UBE3D: variants seen among roughly 807,000 people sequenced by gnomAD.
The protein encoded by UBE3D is E3 ubiquitin-protein ligase E3D.
Under a neutral mutation model 49.6 loss-of-function variants are expected in UBE3D, and 48 were observed. That is an observed-to-expected ratio of 0.97 (90% CI 0.77 to 1.23). UBE3D has a LOEUF of 1.23. Ranked by LOEUF, UBE3D falls within the 50% of genes most tolerant of loss-of-function variation. The pLI, the probability that UBE3D is intolerant of heterozygous loss-of-function variation, is 0.00. For missense variants in UBE3D, 452 were observed against 468.4 expected, an observed-to-expected ratio of 0.96 and a Z score of 0.32; for synonymous variants, 189 against 174.2, an observed-to-expected ratio of 1.08 and a Z score of -0.67.
chr6:83,006,239 C>CA (rs879748731), intron 8 of UBE3D, among the ~76,000 whole-genome samples: 328 of 149,918 alleles, frequency 2.2e-3, no homozygotes, highest in Non-Finnish European at 3.9e-3. Flanking sequence ...AACAAACAAA[C>CA]AAAAAAAAAA....
chr6:82,984,790 AT>A (rs1166924393), intron 8 of UBE3D, among the ~76,000 whole-genome samples: 1 of 151,858 alleles, frequency 6.6e-6, no homozygotes, highest in Non-Finnish European at 1.5e-5. Flanking sequence ...CTTGGTTTAA[AT>A]TATAAAGAGT....
chr6:82,886,492 C>CCG, the UBE3D span, among the ~76,000 whole-genome samples: 2 of 152,162 alleles, frequency 1.3e-5, no homozygotes, highest in Non-Finnish European at 2.9e-5. Context: ...CAGGCTGGTA[C>CCG]TGGTCCATAG....
chr6:83,005,323 CAG>C (rs1016293591), intron 8 of UBE3D, among the ~76,000 whole-genome samples: 4 of 148,130 alleles, frequency 2.7e-5, no homozygotes, highest in Non-Finnish European at 6.0e-5. Context: ...AAAAAAAAAA[CAG>C]AATAACAAGC....
intron 1 of UBE3D, among the ~76,000 whole-genome samples, chr6:83,062,704 T>G (rs1402555814): frequency 6.6e-6 from 1 of 152,204 alleles, no homozygotes; most frequent in Non-Finnish European, 1.5e-5. Context: ...GGAAATACAG[T>G]ATTTTTACAG....
At chr6:82,924,008 T>C (rs1398091747) in intron 9 of UBE3D, among the ~76,000 whole-genome samples, 3 of 151,678 alleles carry the variant, frequency 2.0e-5, no homozygotes, top group Non-Finnish European at 4.4e-5. Context: ...ACTGTGTACC[T>C]GGTCCTTCAA....
intron 9 of UBE3D, among the ~76,000 whole-genome samples, chr6:82,953,796 G>A (rs1562117246): frequency 6.6e-6 from 1 of 152,196 alleles, no homozygotes. Context: ...ATCAAATAGT[G>A]GAAAGTGCTA....
chr6:83,061,636 C>T (rs1321720752), intron 1 of UBE3D, among the ~76,000 whole-genome samples: 1 of 152,244 alleles, frequency 6.6e-6, no homozygotes, highest in Non-Finnish European at 1.5e-5. Context: ...CCTGCTGCTA[C>T]AAGCTTTGGA....
In UBE3D at chr6:83,026,560, T is replaced by C. The variant is rs534029850; in HGVS notation, c.668-2522A>G. Among the ~76,000 whole-genome samples the C allele has an allele frequency of 3.8e-4, 58 of 152,292 alleles. 1 individual carries two copies. The South Asian group carries it at 8.7e-3, about 23-fold the overall frequency. Reference sequence around the variant, plus strand: ...AAGGTAAAAAAAATAAATGGTTTCATAGATTAATATATAGACAGCCATGAC... The same window carrying C: ...AAGGTAAAAAAAATAAATGGTTTCACAGATTAATATATAGACAGCCATGAC... On this transcript the variant is annotated intron_variant, in intron 5 of 9. Coordinates refer to ENST00000369747, the MANE Select transcript of UBE3D (RefSeq NM_198920.3).
At position 83,054,040 on chromosome 6, in the gene UBE3D, C is replaced by A. The variant is rs547450472; in HGVS notation, c.365+108G>T. ...CAAAGTGACATTAAGCTGGCTCTCA[C>A]TTTAAGGCCATATACTACTCCATTG... On this transcript the variant is annotated intron_variant, in intron 3 of 9. Transcript: ENST00000369747. The A allele has an allele frequency of 2.2e-5, 20 of 911,478 alleles. No individual in the cohort carries two copies. In the South Asian group the frequency reaches 2.7e-4, roughly 12 times the overall value. 56.5% of individuals were successfully genotyped at this position (911,478 alleles called of 1,614,324 possible). A position where few individuals can be genotyped will look rare whatever the true frequency, so the allele number is the denominator to read the frequency against.
rs757259368 is a variant in UBE3D at position 82,892,987 on chromosome 6, G to A, written c.*35C>T. ...CTCGGTGTGCTCCTGCTTGAGAGCT[G>A]TCTGCCGGGGGAGGAGAATGCCCAG... On this transcript the variant is annotated 3_prime_UTR_variant, in exon 10 of 10. Transcript: ENST00000369747. The A allele has an allele frequency of 4.3e-6, 7 of 1,613,468 alleles. No homozygotes were observed. Among genetic ancestry groups the A allele is most frequent in the Non-Finnish European group, 5.9e-6 (7 of 1,179,696 alleles).
downstream of UBE3D, among the ~76,000 whole-genome samples, chr6:82,887,588 A>C (rs1010972359): frequency 1.0e-4 from 15 of 150,422 alleles, no homozygotes; most frequent in African/African-American, 3.7e-4. Context: ...GCACGCCTAC[A>C]ATCCCAGCTA....
chr6:83,032,577 A>G (rs1382554953), intron 5 of UBE3D, among the ~76,000 whole-genome samples: 1 of 152,200 alleles, frequency 6.6e-6, no homozygotes, highest in South Asian at 2.1e-4. Context: ...TGCTGAAATG[A>G]GTTAAGACTT....
At chr6:83,047,442 C>A (rs1274165861) in intron 3 of UBE3D, among the ~76,000 whole-genome samples, 1 of 152,204 alleles carries the variant, frequency 6.6e-6, no homozygotes, top group Non-Finnish European at 1.5e-5. Context: ...CAGGAGGCTT[C>A]TTCTGAGCCA....
At chr6:83,001,360 A>C (rs1416695847) in intron 8 of UBE3D, among the ~76,000 whole-genome samples, 1 of 152,240 alleles carries the variant, frequency 6.6e-6, no homozygotes, top group Non-Finnish European at 1.5e-5. Flanking sequence ...ACATTTAATA[A>C]GTATTTGCTG....
At chr6:82,934,340 G>A (rs922645987) in intron 9 of UBE3D, among the ~76,000 whole-genome samples, 1 of 152,174 alleles carries the variant, frequency 6.6e-6, no homozygotes, top group African/African-American at 2.4e-5. Context: ...CTAATACAAT[G>A]AGGACATTAA....
intron 8 of UBE3D, among the ~76,000 whole-genome samples, chr6:83,006,230 AC>A: frequency 6.6e-6 from 1 of 152,214 alleles, no homozygotes; most frequent in East Asian, 1.9e-4. Context: ...GTTTCAAAAA[AC>A]AAACAAACAA....
the UBE3D span, among the ~76,000 whole-genome samples, chr6:82,885,159 T>C: frequency 7.0e-6 from 1 of 142,920 alleles, no homozygotes; most frequent in African/African-American, 2.6e-5. Flanking sequence ...AAAAGTAGAA[T>C]AGAAAAAAAA....
intron 4 of UBE3D, among the ~76,000 whole-genome samples, chr6:83,042,965 T>C (rs1049427942): frequency 1.3e-5 from 2 of 152,240 alleles, no homozygotes; most frequent in African/African-American, 4.8e-5. Flanking sequence ...AAGAGGGACT[T>C]TCATCTAGGC....
chr6:83,063,631 A>G (rs1044537833), intron 1 of UBE3D, among the ~76,000 whole-genome samples: 2 of 152,156 alleles, frequency 1.3e-5, no homozygotes, highest in African/African-American at 4.8e-5. Context: ...AGCAAGTGAA[A>G]AGGCACTCAA....
Sources: gnomAD v4.1 joint callset for allele counts (sites outside exome capture counted in the v4.1 genomes callset) on GRCh38, gnomAD v4.1.1 for gene constraint, MANE v1.5 for transcripts, NCBI Gene and HGNC (gene_info 2026-07-23, HGNC 2026-07-21) for gene names.